The following PTBP3 variants were observed in gnomAD, a reference collection of about 807,000 sequenced individuals.
The protein encoded by PTBP3 is polypyrimidine tract-binding protein 3.
PTBP3 carries 20 observed loss-of-function variants against 58.7 expected under a neutral mutation model. The ratio of observed to expected loss-of-function variants is 0.34; its 90% CI spans 0.24 to 0.50. The LOEUF (loss-of-function observed/expected upper bound fraction) is 0.50. Among genes scored for constraint, PTBP3 ranks in the 20% least tolerant of loss-of-function variants. The probability of loss-of-function intolerance (pLI) is 0.98; values close to 1 mark genes in which losing one functional copy is unlikely to be tolerated. For synonymous variants in PTBP3, 185 were observed against 219.8 expected, an observed-to-expected ratio of 0.84 and a Z score of 1.40; for missense variants, 509 against 637.2, an observed-to-expected ratio of 0.80 and a Z score of 2.17.
intron 1 of PTBP3, among the ~76,000 whole-genome samples, chr9:112,299,745 T>C (rs370328003): frequency 5.9e-5 from 9 of 152,276 alleles, no homozygotes; most frequent in East Asian, 3.9e-4. Context: ...AGTTTTGTAA[T>C]ATCCTTTGGC....
At chr9:112,307,730 C>G (rs1007338122) in intron 1 of PTBP3, among the ~76,000 whole-genome samples, 3 of 152,092 alleles carry the variant, frequency 2.0e-5, no homozygotes, top group Non-Finnish European at 2.9e-5. Flanking sequence ...TTACAGAAAA[C>G]AAAGGCTTTT....
chr9:112,240,648 G>GTTTTTTTT (rs35228236), intron 7 of PTBP3, among the ~76,000 whole-genome samples: 1 of 147,352 alleles, frequency 6.8e-6, no homozygotes, highest in Non-Finnish European at 1.5e-5. Context: ...ACTCCTACTT[G>GTTTTTTTT]TTTTTTTTTT....
At chr9:112,356,096 G>A in the PTBP3 span, among the ~76,000 whole-genome samples, 1 of 146,050 alleles carries the variant, frequency 6.8e-6, no homozygotes, top group Non-Finnish European at 1.5e-5. Context: ...TCCTGCCTCA[G>A]CCTCCCAAGT....
At chr9:112,241,930 C>G (rs1835676009) in intron 7 of PTBP3, among the ~76,000 whole-genome samples, 1 of 152,178 alleles carries the variant, frequency 6.6e-6, no homozygotes, top group South Asian at 2.1e-4. Flanking sequence ...TCTGGCTTCT[C>G]TTGTTCAGCA....
intron 11 of PTBP3, 63 bp from the exon 12 acceptor site, chr9:112,227,690 A>C: frequency 8.6e-7 from 1 of 1,159,216 alleles, no homozygotes; most frequent in Non-Finnish European, 1.3e-6. Flanking sequence ...GTAGTATCTG[A>C]CAACATTACC....
intron 7 of PTBP3, among the ~76,000 whole-genome samples, chr9:112,242,130 A>C (rs1031430842): frequency 6.6e-6 from 1 of 152,122 alleles, no homozygotes; most frequent in Non-Finnish European, 1.5e-5. Flanking sequence ...TAATTAATTT[A>C]TTTATATATT....
intron 6 of PTBP3, among the ~76,000 whole-genome samples, chr9:112,251,934 T>G (rs554117089): frequency 8.5e-5 from 13 of 152,256 alleles, no homozygotes; most frequent in Admixed American, 2.6e-4. Context: ...AGACACTGTG[T>G]GGTACACAAA....
chr9:112,346,460 C>T, the PTBP3 span, among the ~76,000 whole-genome samples: 1 of 152,198 alleles, frequency 6.6e-6, no homozygotes, highest in African/African-American at 2.4e-5. Context: ...AGCCACCACA[C>T]CTGGCCGGCA....
At chr9:112,266,306 C>A (rs1162645813) in intron 4 of PTBP3, among the ~76,000 whole-genome samples, 2 of 152,134 alleles carry the variant, frequency 1.3e-5, no homozygotes, top group Admixed American at 1.3e-4. Context: ...GGGAAAATGG[C>A]ACTAACAGAA....
At chr9:112,240,752 C>A (rs771121759) in intron 7 of PTBP3, among the ~76,000 whole-genome samples, 3 of 151,616 alleles carry the variant, frequency 2.0e-5, no homozygotes, top group Non-Finnish European at 2.9e-5. Context: ...CAGCTTCATG[C>A]ATGTTTACTG....
At chr9:112,284,714 C>CA (rs891451679) in intron 2 of PTBP3, among the ~76,000 whole-genome samples, 4 of 152,076 alleles carry the variant, frequency 2.6e-5, no homozygotes, top group East Asian at 1.9e-4. Flanking sequence ...AAACAGAAAA[C>CA]AAAAAACAAA....
chr9:112,327,154 T>C (rs1830190548), intron 1 of PTBP3, among the ~76,000 whole-genome samples: 1 of 149,916 alleles, frequency 6.7e-6, no homozygotes, highest in Non-Finnish European at 1.5e-5. Context: ...CAGTGAGCCA[T>C]GATTGTGCCA....
At chr9:112,339,440 T>C in the PTBP3 span, among the ~76,000 whole-genome samples, 73 of 152,200 alleles carry the variant, frequency 4.8e-4, no homozygotes, top group African/African-American at 1.6e-3. Context: ...CCACTCTCTA[T>C]CCTGAGGATG....
chr9:112,363,937 T>C, the PTBP3 span, among the ~76,000 whole-genome samples: 1 of 152,172 alleles, frequency 6.6e-6, no homozygotes, highest in African/African-American at 2.4e-5. Context: ...TCTGTAACAT[T>C]ATGGTATCAT....
the PTBP3 span, among the ~76,000 whole-genome samples, chr9:112,375,713 A>T: frequency 6.6e-6 from 1 of 152,130 alleles, no homozygotes; most frequent in Admixed American, 6.5e-5. Flanking sequence ...AATCATGCAT[A>T]TAACACTTCC....
chr9:112,339,290 CAAAAAA>C, the PTBP3 span, among the ~76,000 whole-genome samples: 3,902 of 71,830 alleles, frequency 0.054, 160 homozygotes, highest in African/African-American at 0.15. Flanking sequence ...GACTCTGTCT[CAAAAAA>C]AAAAAAAAAA....
chr9:112,300,157 G>C (rs1347534464), intron 1 of PTBP3, among the ~76,000 whole-genome samples: 1 of 152,148 alleles, frequency 6.6e-6, no homozygotes, highest in Non-Finnish European at 1.5e-5. Context: ...TTTAGTGAGA[G>C]TGTAAATTGG....
chr9:112,231,912 AAGAAGAGAAG>A (rs1391742980), intron 9 of PTBP3, among the ~76,000 whole-genome samples, 177 bp downstream of exon 9: 5,565 of 107,098 alleles, frequency 0.052, 266 homozygotes, highest in Middle Eastern at 0.083. Flanking sequence ...CTGAAAAGAA[AAGAAGAGAAG>A]AGAAGAGAAG....
chr9:112,308,095 G>A (rs997237154), intron 1 of PTBP3, among the ~76,000 whole-genome samples: 2 of 152,148 alleles, frequency 1.3e-5, no homozygotes, highest in Admixed American at 6.5e-5. Context: ...CCATCACCCA[G>A]GATGGAGTAC....
Sources: gnomAD v4.1 joint callset for allele counts (sites outside exome capture counted in the v4.1 genomes callset) on GRCh38, gnomAD v4.1.1 for gene constraint, MANE v1.5 for transcripts, NCBI Gene and HGNC (gene_info 2026-07-23, HGNC 2026-07-21) for gene names.